Variants in ROBO2 observed in about 807,000 individuals in gnomAD.
The protein encoded by ROBO2 is roundabout homolog 2.
Under a neutral mutation model 160.8 loss-of-function variants are expected in ROBO2, and 53 were observed. That is an observed-to-expected ratio of 0.33 (90% confidence interval 0.26 to 0.41). The LOEUF (loss-of-function observed/expected upper bound fraction) is 0.41. Ranked by LOEUF, ROBO2 falls within the 10% of genes least tolerant of loss-of-function variation. The pLI, the probability that ROBO2 is intolerant of heterozygous loss-of-function variation, is 1.00. For missense variants in ROBO2, 1,577 were observed against 1,722.4 expected (o/e 0.92, Z 1.49); for synonymous variants, 664 against 611.7 (o/e 1.09, Z -1.26).
At chr3:77,143,345 C>T (rs796835656) in intron 2 of ROBO2, among the ~76,000 whole-genome samples, 3 of 151,898 alleles carry the variant, frequency 2.0e-5, no homozygotes, top group African/African-American at 7.2e-5. Context: ...CAGGCATGCA[C>T]CACCACACCC....
At chr3:76,872,331 A>G (rs2148686059) in intron 2 of ROBO2, among the ~76,000 whole-genome samples, 1 of 152,318 alleles carries the variant, frequency 6.6e-6, no homozygotes, top group Middle Eastern at 3.4e-3. Context: ...TTATTTTAGA[A>G]AAATATAAAA....
intron 2 of ROBO2, among the ~76,000 whole-genome samples, chr3:76,052,032 G>A (rs2107820434): frequency 6.6e-6 from 1 of 152,128 alleles, no homozygotes; most frequent in African/African-American, 2.4e-5. Context: ...AATTTTTCAT[G>A]AAATGGGAAT....
intron 2 of ROBO2, among the ~76,000 whole-genome samples, chr3:76,814,305 T>A (rs2065476552): frequency 6.6e-6 from 1 of 152,130 alleles, no homozygotes; most frequent in Admixed American, 6.6e-5. Context: ...CGAGAAAGAA[T>A]GGCAGAGGTA....
intron 5 of ROBO2, among the ~76,000 whole-genome samples, chr3:77,502,079 A>G (rs930075146): frequency 5.9e-5 from 9 of 152,216 alleles, no homozygotes; most frequent in African/African-American, 2.2e-4. Flanking sequence ...TATTATACCT[A>G]TAATATAAAT....
chr3:77,587,737 G>C (rs1426226923), intron 16 of ROBO2, among the ~76,000 whole-genome samples: 1 of 151,972 alleles, frequency 6.6e-6, no homozygotes, highest in Non-Finnish European at 1.5e-5. Context: ...CTAAAACAAG[G>C]AAAATCCCAC....
Position 76,942,458 on chromosome 3 carries a change from C to A in ROBO2, c.110-155556C>A, listed in dbSNP as rs570515481. 3.3e-5 allele frequency among the ~76,000 whole-genome samples: 5 copies of A among 152,276 alleles called. No homozygotes were observed. In the East Asian group the frequency reaches 9.6e-4, roughly 29 times the overall value. On this transcript the variant is annotated intron_variant, in intron 2 of 26. Coordinates refer to the ROBO2 transcript ENST00000487694. ...GTGTAAGTAAAGCCTGTCTGCTGAA[C>A]TTGCTTATAATTTTTTGCTTGGGAA...
chr3:76,491,568 T>C (rs1314597146), intron 2 of ROBO2, among the ~76,000 whole-genome samples: 1 of 152,206 alleles, frequency 6.6e-6, no homozygotes, highest in Non-Finnish European at 1.5e-5. Context: ...TCCTGGTGTA[T>C]ATGACATTAA....
At chr3:76,922,092 A>G (rs2148996392) in intron 2 of ROBO2, among the ~76,000 whole-genome samples, 1 of 152,274 alleles carries the variant, frequency 6.6e-6, no homozygotes, top group African/African-American at 2.4e-5. Flanking sequence ...CGGGCAGATC[A>G]AGAGGTCAGG....
At chr3:76,627,911 A>G (rs2089763770) in intron 2 of ROBO2, among the ~76,000 whole-genome samples, 1 of 152,148 alleles carries the variant, frequency 6.6e-6, no homozygotes, top group African/African-American at 2.4e-5. Flanking sequence ...AATTTTGGCC[A>G]TAATCCTAAA....
At chr3:76,951,912 G>A (rs183785196) in intron 2 of ROBO2, among the ~76,000 whole-genome samples, 69 of 152,286 alleles carry the variant, frequency 4.5e-4, no homozygotes, top group African/African-American at 1.5e-3. Context: ...AACTCCTGAG[G>A]TCTCCAATTA....
intron 2 of ROBO2, among the ~76,000 whole-genome samples, chr3:76,217,680 C>G (rs919216901): frequency 4.6e-5 from 7 of 151,954 alleles, no homozygotes; most frequent in Non-Finnish European, 1.0e-4. Flanking sequence ...AATAGCTTAC[C>G]AACCAAAAAA....
At chr3:77,550,947 G>T (rs764661390) in exon 8 of ROBO2, 3 of 1,612,784 alleles carry the variant, frequency 1.9e-6, no homozygotes, top group East Asian at 4.5e-5. Flanking sequence ...TTTAACTGTG[G>T]CAGGAAGCAT....
intron 1 of ROBO2, among the ~76,000 whole-genome samples, chr3:75,918,917 T>C (rs1434567036): frequency 6.6e-6 from 1 of 152,204 alleles, no homozygotes; most frequent in Non-Finnish European, 1.5e-5. Flanking sequence ...AAGTTGTTTA[T>C]CAGGTTAAGG....
At chr3:77,512,683 A>T (rs2089543081) in intron 5 of ROBO2, among the ~76,000 whole-genome samples, 1 of 152,096 alleles carries the variant, frequency 6.6e-6, no homozygotes, top group South Asian at 2.1e-4. Flanking sequence ...ATTTTCTTGA[A>T]TTATGGAACT....
At chr3:76,118,807 A>G (rs1289628210) in intron 2 of ROBO2, among the ~76,000 whole-genome samples, 2 of 152,244 alleles carry the variant, frequency 1.3e-5, no homozygotes, top group African/African-American at 4.8e-5. Context: ...TATTAGTGCT[A>G]CTATTATCAT....
chr3:76,143,943 C>G lies in ROBO2; in HGVS notation c.109+206341C>G, dbSNP rs540427190. Among the ~76,000 whole-genome samples the G allele has an allele frequency of 1.9e-3, 287 of 151,948 alleles. 3 individuals carry two copies. The highest frequency in any genetic ancestry group is 6.8e-3 in the South Asian group (33 of 4,824). ...CTCAGAGTCAATCAGAGACAAAATT[C>G]TCTCTTATTCTGCCTTTTTTTTTTC... On this transcript the variant is annotated intron_variant, in intron 2 of 26. Coordinates refer to the ROBO2 transcript ENST00000487694.
chr3:75,999,313 A>G (rs919950871), intron 2 of ROBO2, among the ~76,000 whole-genome samples: 41 of 152,210 alleles, frequency 2.7e-4, no homozygotes, highest in Admixed American at 2.7e-3. Context: ...TCTAAGTTAG[A>G]ATCTCTACAA....
At chr3:76,788,331 G>T (rs1326758707) in intron 2 of ROBO2, among the ~76,000 whole-genome samples, 2 of 151,380 alleles carry the variant, frequency 1.3e-5, no homozygotes, top group African/African-American at 4.8e-5. Flanking sequence ...ATGGTATTAA[G>T]TGCCATCTGT....
intron 1 of ROBO2, among the ~76,000 whole-genome samples, chr3:77,061,938 T>G (rs558010260): frequency 1.4e-4 from 22 of 152,330 alleles, no homozygotes; most frequent in African/African-American, 4.8e-4. Context: ...TTGTCAACAC[T>G]GATCTGGTTC....
Sources: gnomAD v4.1 joint callset for allele counts (sites outside exome capture counted in the v4.1 genomes callset) on GRCh38, gnomAD v4.1.1 for gene constraint, MANE v1.5 for transcripts, NCBI Gene and HGNC (gene_info 2026-07-23, HGNC 2026-07-21) for gene names.